FMN1: variants seen among roughly 807,000 people sequenced by gnomAD.
FMN1 encodes formin 1, also known as formin-1.
A neutral mutation model predicts 132.4 loss-of-function variants in FMN1; 110 were observed. The ratio of observed to expected loss-of-function variants is 0.83; its 90% CI spans 0.71 to 0.97. The LOEUF is 0.97. Among genes scored for constraint, FMN1 ranks in the 50% least tolerant of loss-of-function variants. The probability of loss-of-function intolerance (pLI) is 0.00; values close to 1 mark genes in which losing one functional copy is unlikely to be tolerated. For synonymous variants in FMN1, 722 were observed against 651.7 expected (o/e 1.11, Z -1.64); for missense variants, 1,792 against 1,705.3 (o/e 1.05, Z -0.90).
chr15:33,072,228 C>T (rs1288697877), intron 5 of FMN1, among the ~76,000 whole-genome samples: 1 of 152,168 alleles, frequency 6.6e-6, no homozygotes, highest in Non-Finnish European at 1.5e-5. Context: ...TTCACCTATA[C>T]AATATGTTTT....
chr15:32,878,443 G>C (rs112474448), intron 16 of FMN1, among the ~76,000 whole-genome samples: 1 of 152,182 alleles, frequency 6.6e-6, no homozygotes, highest in Non-Finnish European at 1.5e-5. Context: ...ATATGGGCCA[G>C]GTGAGAAGGT....
At chr15:32,913,311 A>G (rs931780614) in intron 10 of FMN1, among the ~76,000 whole-genome samples, 1 of 152,140 alleles carries the variant, frequency 6.6e-6, no homozygotes, top group Admixed American at 6.5e-5. Context: ...TCCATCCTTC[A>G]TTGTACCAAG....
intron 19 of FMN1, among the ~76,000 whole-genome samples, chr15:32,792,240 C>G (rs1046944394): frequency 6.7e-6 from 1 of 149,216 alleles, no homozygotes; most frequent in Non-Finnish European, 1.5e-5. Context: ...GAGATTGAGA[C>G]CATCCTGGCT....
chr15:32,956,865 A>C (rs1007822215), intron 9 of FMN1, among the ~76,000 whole-genome samples: 177 of 152,316 alleles, frequency 1.2e-3, no homozygotes, highest in Non-Finnish European at 3.7e-4. Context: ...AGGCTTCCAA[A>C]CAATGTTCTT....
rs774435755 is a variant in FMN1 at position 33,115,563 on chromosome 15, C to A, written c.1868-26589G>T. The stretch of plus-strand genomic sequence containing the variant: ...GCCAGCCTCCCTCACATACACCCTC[C>A]CCCACCTCTCCTATCTTTTACATTC... On this transcript the variant is annotated intron_variant, in intron 4 of 20. Coordinates refer to ENST00000616417, the MANE Select transcript of FMN1 (RefSeq NM_001277313.2). Among the ~76,000 whole-genome samples, 109 of 151,824 alleles carry A rather than the reference C, an allele frequency of 7.2e-4. 1 individual carries two copies. Among genetic ancestry groups the A allele is most frequent in the Non-Finnish European group, 1.4e-3 (97 of 67,926 alleles).
At position 33,180,247 on chromosome 15, in the gene FMN1, C is replaced by T. The variant is rs541795679; in HGVS notation, c.-181G>A. On this transcript the variant is annotated 5_prime_UTR_variant, in exon 3 of 21. Coordinates refer to ENST00000616417, the MANE Select transcript of FMN1 (RefSeq NM_001277313.2). ...GGTCCAGATGCGGAGATGTGAAAAACGTGATGCCACCAGGCCTGTGTAAAA... is the reference window on the plus strand; with the variant it reads ...GGTCCAGATGCGGAGATGTGAAAAATGTGATGCCACCAGGCCTGTGTAAAA... 7 of 148,440 alleles carry T rather than the reference C, an allele frequency of 4.7e-5. No individual in the cohort carries two copies. The highest frequency in any genetic ancestry group is 2.0e-4 in the East Asian group (1 of 5,088). 9.2% of individuals were successfully genotyped at this position (148,440 alleles called of 1,614,324 possible). A position where few individuals can be genotyped will look rare whatever the true frequency, so the allele number is the denominator to read the frequency against.
At chr15:33,097,894 C>T (rs1321937054) in intron 4 of FMN1, among the ~76,000 whole-genome samples, 1 of 152,008 alleles carries the variant, frequency 6.6e-6, no homozygotes, top group Admixed American at 6.6e-5. Flanking sequence ...TAAACATTAC[C>T]CATCAATTTT....
chr15:32,838,463 CAT>C (rs1415761126), intron 17 of FMN1, among the ~76,000 whole-genome samples: 1 of 75,196 alleles, frequency 1.3e-5, no homozygotes, highest in Non-Finnish European at 2.8e-5. Flanking sequence ...AAGAGGAAAA[CAT>C]AGCAGGCGCA....
At chr15:33,075,674 A>C (rs183945661) in intron 5 of FMN1, among the ~76,000 whole-genome samples, 1 of 151,614 alleles carries the variant, frequency 6.6e-6, no homozygotes, top group South Asian at 2.1e-4. Flanking sequence ...ATTTGAGAGA[A>C]AAAAAAAATC....
rs759780074 is a variant in FMN1, at chr15:32,926,235, T to C, written c.3165A>G (p.Arg1055=). 4 of 1,546,196 alleles carry C rather than the reference T, an allele frequency of 2.6e-6. No individual in the cohort carries two copies. The highest frequency in any genetic ancestry group is 2.1e-5 in the Admixed American group (1 of 48,262). Residue 1055 remains arginine (R), a synonymous_variant, in exon 10 of 21, where the codon CGA becomes CGG. Transcript: ENST00000616417. ...KKIIKLLDGK[R]SQTVGILISS... ...ATATCAAGATTCCCACAGTTTGAGA[T>C]CGTTTTCCATCCAACAATTTGATGA...
intron 3 of FMN1, among the ~76,000 whole-genome samples, chr15:33,175,920 C>G (rs954895184): frequency 6.6e-6 from 1 of 152,148 alleles, no homozygotes; most frequent in Non-Finnish European, 1.5e-5. Flanking sequence ...TCTTAAGGAA[C>G]CTCACATACA....
At chr15:33,124,889 C>T (rs2140192238) in intron 4 of FMN1, among the ~76,000 whole-genome samples, 1 of 151,340 alleles carries the variant, frequency 6.6e-6, no homozygotes, top group South Asian at 2.1e-4. Context: ...ATCATAGAGC[C>T]TTGTTTGGCA....
intron 2 of FMN1, among the ~76,000 whole-genome samples, chr15:33,189,202 A>G (rs1328722807): frequency 6.6e-6 from 1 of 152,124 alleles, no homozygotes; most frequent in African/African-American, 2.4e-5. Context: ...TTGGGGTTGG[A>G]TGGGTAGGAA....
At chr15:32,799,468 ACT>A (rs1329759435) in intron 18 of FMN1, among the ~76,000 whole-genome samples, 1 of 152,124 alleles carries the variant, frequency 6.6e-6, no homozygotes, top group Non-Finnish European at 1.5e-5. Context: ...AGCATCTTTG[ACT>A]CTCAATTTTC....
intron 4 of FMN1, among the ~76,000 whole-genome samples, chr15:33,129,545 A>G (rs1428837245): frequency 6.6e-6 from 1 of 152,174 alleles, no homozygotes; most frequent in South Asian, 2.1e-4. Context: ...CCTGGCATGC[A>G]TGCCATCCCA....
chr15:33,116,959 C>T (rs1024595443), intron 4 of FMN1, among the ~76,000 whole-genome samples: 2 of 152,112 alleles, frequency 1.3e-5, no homozygotes, highest in African/African-American at 2.4e-5. Context: ...CTATTGTTTC[C>T]ACCAATACAA....
chr15:33,008,837 A>G (rs2034555114), intron 6 of FMN1, among the ~76,000 whole-genome samples: 1 of 152,202 alleles, frequency 6.6e-6, no homozygotes, highest in African/African-American at 2.4e-5. Flanking sequence ...GCAGAGAACC[A>G]CAAGACAAAA....
In FMN1 at chr15:32,766,426, G is replaced by C. The variant is rs1452102720; in HGVS notation, c.*7884C>G. The C allele has an allele frequency of 1.3e-5, 2 of 152,096 alleles. No individual in the cohort carries two copies. The highest frequency in any genetic ancestry group is 2.9e-5 in the Non-Finnish European group (2 of 68,018). The allele number at this position is 152,096 out of a possible 1,614,324, so 9.4% of individuals were successfully genotyped here. A position where few individuals can be genotyped will look rare whatever the true frequency, so the allele number is the denominator to read the frequency against. The stretch of plus-strand genomic sequence containing the variant: ...TTGAGATTCAAAAATCTGGCGTTCT[G>C]CATCATAGCTGGTGACCCGGTCTGA... On this transcript the variant is annotated 3_prime_UTR_variant, in exon 21 of 21. Coordinates refer to ENST00000616417, the MANE Select transcript of FMN1 (RefSeq NM_001277313.2).
rs2031594641 is a variant in FMN1, at chr15:32,969,496, GGAAA to G, written c.2224-23_2224-20del. On this transcript the variant is annotated intron_variant, in intron 7 of 20. Coordinates refer to ENST00000616417, the MANE Select transcript of FMN1 (RefSeq NM_001277313.2). Reference sequence around the variant, plus strand: ...ACTGTGCCTATAGGAAAATTCAGAGGGAAAGAAAGTAATGAGTTTATTAAGAACA... The same window carrying G: ...ACTGTGCCTATAGGAAAATTCAGAGGGAAAGTAATGAGTTTATTAAGAACA... 5 of 1,607,920 alleles carry G rather than the reference GGAAA, an allele frequency of 3.1e-6. No individual in the cohort carries two copies. Among genetic ancestry groups the G allele is most frequent in the African/African-American group, 2.7e-5 (2 of 74,642 alleles).
Sources: allele counts gnomAD v4.1 joint callset (sites outside exome capture counted in the v4.1 genomes callset), GRCh38; gene constraint gnomAD v4.1.1; transcripts MANE v1.5; gene names NCBI Gene and HGNC (gene_info 2026-07-23, HGNC 2026-07-21).